KCTD21: variants seen among roughly 807,000 people sequenced by gnomAD.
KCTD21 encodes the protein BTB/POZ domain-containing protein KCTD21.
Under a neutral mutation model 13.2 loss-of-function variants are expected in KCTD21, and 9 were observed. The ratio of observed to expected loss-of-function variants is 0.68; its 90% CI spans 0.41 to 1.19. The LOEUF is 1.19. KCTD21 is among the 50% of genes most tolerant of loss of function. KCTD21 has a pLI of 0.01. For missense variants in KCTD21, 303 were observed against 336.5 expected (o/e 0.90, Z 0.78); for synonymous variants, 142 against 137.4 (o/e 1.03, Z -0.23).
Position 78,188,228 on chromosome 11 carries a change from C to T in KCTD21, c.-30+345G>A, listed in dbSNP as rs988499631. ...CCCAGCCCTACAGCCCCCACTCCGA[C>T]CTGACAAGTGCCCCACCCCCACCTA... On this transcript the variant is annotated intron_variant, in intron 1 of 1. Coordinates refer to ENST00000340067, the MANE Select transcript of KCTD21 (RefSeq NM_001029859.3). 6 of 984,716 alleles carry T rather than the reference C, an allele frequency of 6.1e-6. No individual in the cohort carries two copies. The African/African-American group carries it at 8.8e-5, about 14-fold the overall frequency. The allele number at this position is 984,716 out of a possible 1,614,324, so 61.0% of individuals were successfully genotyped here.
intron 1 of KCTD21, 150 bp downstream of exon 1, chr11:78,188,423 C>G (rs930592633): frequency 8.8e-5 from 87 of 985,612 alleles, no homozygotes; most frequent in Non-Finnish European, 8.8e-5. Flanking sequence ...CGCCCCCTCC[C>G]CCGCACCACA....
chr11:78,188,356 C>A (rs989655611), intron 1 of KCTD21: 19 of 985,220 alleles, frequency 1.9e-5, no homozygotes, highest in Non-Finnish European at 2.3e-5. Context: ...CTTGCTCTCC[C>A]AACAGCCCCG....
intron 1 of KCTD21, among the ~76,000 whole-genome samples, chr11:78,177,577 ATCT>A (rs1862492054): frequency 6.6e-6 from 1 of 151,764 alleles, no homozygotes; most frequent in Non-Finnish European, 1.5e-5. Context: ...TCAGTCCAGA[ATCT>A]TCTTCCCTGT....
chr11:78,187,754 G>A lies in KCTD21; in HGVS notation c.-30+819C>T, dbSNP rs576848979. 44 of 985,410 alleles carry A rather than the reference G, an allele frequency of 4.5e-5. No homozygotes were observed. In the Admixed American group the frequency reaches 1.2e-3, roughly 28 times the overall value. The allele number at this position is 985,410 out of a possible 1,614,324, so 61.0% of individuals were successfully genotyped here. ...GGCTGTCATTCGGAAGGGTTGGGGG[G>A]ACTGGTCCTGCCAGACAATTTGCGA... On this transcript the variant is annotated intron_variant, in intron 1 of 1. Transcript: ENST00000340067.
In KCTD21 at chr11:78,188,581, C is replaced by G; in HGVS notation, c.-38G>C. 1.0e-6 allele frequency: 1 copy of G among 985,580 alleles called. No homozygotes were observed. Among genetic ancestry groups the G allele is most frequent in the South Asian group, 4.7e-5 (1 of 21,308 alleles). 61.1% of individuals were successfully genotyped at this position (985,580 alleles called of 1,614,324 possible). A position where few individuals can be genotyped will look rare whatever the true frequency, so the allele number is the denominator to read the frequency against. The stretch of plus-strand genomic sequence containing the variant: ...GGCCGTGCCGCACCCACCTCCTGCC[C>G]TCGCTCTGCAGCCTCTCCCTCCGCG... On this transcript the variant is annotated 5_prime_UTR_variant, in exon 1 of 2. Transcript: ENST00000340067.
chr11:78,174,300 G>A lies in KCTD21; in HGVS notation c.255C>T (p.Asp85=), dbSNP rs1472007187. 2 of 1,614,008 alleles carry A rather than the reference G, an allele frequency of 1.2e-6. No individual in the cohort carries two copies. The highest frequency in any genetic ancestry group is 2.7e-5 in the African/African-American group (2 of 74,920). The change falls in exon 2 of 2, where the codon GAC becomes GAT. Residue 85 remains aspartate, a synonymous_variant. Transcript: ENST00000340067. ...QEMGLLRREA[D]FYQVQPLIEA... ...CAATCAGGGGCTGCACCTGGTAGAAGTCGGCCTCCCTGCGGAGCAGCCCCA... is the reference window on the plus strand; with the variant it reads ...CAATCAGGGGCTGCACCTGGTAGAAATCGGCCTCCCTGCGGAGCAGCCCCA...
chr11:78,188,104 G>T (rs926887894), intron 1 of KCTD21: 20 of 985,264 alleles, frequency 2.0e-5, no homozygotes, highest in African/African-American at 1.0e-4. Flanking sequence ...CCGGCCCAGG[G>T]CTCTCCAGAG....
intron 1 of KCTD21, among the ~76,000 whole-genome samples, chr11:78,184,092 C>A (rs977781797): frequency 6.6e-6 from 1 of 152,178 alleles, no homozygotes; most frequent in Non-Finnish European, 1.5e-5. Context: ...TTATAACAGA[C>A]TCAGAGAATC....
chr11:78,186,860 C>A (rs1690344913), intron 1 of KCTD21: 3 of 985,470 alleles, frequency 3.0e-6, no homozygotes, highest in Non-Finnish European at 3.6e-6. Context: ...GCCAACTTTA[C>A]TTAAGTAGAT....
At chr11:78,186,939 G>A (rs1204167439) in intron 1 of KCTD21, 1 of 985,330 alleles carries the variant, frequency 1.0e-6, no homozygotes, top group Non-Finnish European at 1.2e-6. Context: ...GTAGAATAGG[G>A]GAAGAGGAAG....
intron 1 of KCTD21, among the ~76,000 whole-genome samples, chr11:78,185,663 C>T (rs1003796780): frequency 2.6e-5 from 4 of 152,012 alleles, no homozygotes; most frequent in African/African-American, 9.7e-5. Flanking sequence ...GTGATCCTGG[C>T]TCACTGCGAC....
intron 1 of KCTD21, among the ~76,000 whole-genome samples, chr11:78,184,187 A>T (rs1862706694): frequency 6.6e-6 from 1 of 152,190 alleles, no homozygotes; most frequent in Non-Finnish European, 1.5e-5. Flanking sequence ...TTAATAATCA[A>T]ATTTAGCATT....
intron 1 of KCTD21, among the ~76,000 whole-genome samples, chr11:78,175,641 C>CGG (rs1383062453): frequency 8.0e-4 from 122 of 152,274 alleles, no homozygotes; most frequent in South Asian, 6.0e-3. Context: ...CAATGAATGG[C>CGG]CATGATTAGT....
chr11:78,180,587 A>G (rs1297616639), intron 1 of KCTD21, among the ~76,000 whole-genome samples: 1 of 152,244 alleles, frequency 6.6e-6, no homozygotes, highest in Non-Finnish European at 1.5e-5. Context: ...AATCACATGA[A>G]AAGATGGTCA....
At position 78,186,371 on chromosome 11, in the gene KCTD21, C is replaced by CA. The variant is rs57748403; in HGVS notation, c.-30+2201dup. On this transcript the variant is annotated intron_variant, in intron 1 of 1. Coordinates refer to ENST00000340067, the MANE Select transcript of KCTD21 (RefSeq NM_001029859.3). ...TGGGCAACAGAGTAAGACCCTGTCT[C>CA]AAAAAAAAAAAAAAAAAAAAAAAAA... Among the ~76,000 whole-genome samples the CA allele has an allele frequency of 4.7e-3, 217 of 45,810 alleles. 44 individuals are homozygous for CA. The highest frequency in any genetic ancestry group is 5.6e-3 in the East Asian group (8 of 1,434). 30.1% of individuals were successfully genotyped at this position (45,810 alleles called of 152,430 possible).
intron 1 of KCTD21, among the ~76,000 whole-genome samples, chr11:78,184,459 C>T (rs1862715213): frequency 6.6e-6 from 1 of 151,716 alleles, no homozygotes; most frequent in African/African-American, 2.4e-5. Context: ...GCCTCAGCCT[C>T]CTGAGTAGCT....
At chr11:78,174,854 C>A in intron 1 of KCTD21, 1 of 302,304 alleles carries the variant, frequency 3.3e-6, no homozygotes, top group Non-Finnish European at 6.2e-6. Flanking sequence ...CCTCTGCTGC[C>A]GACATTCTAT....
chr11:78,187,104 A>T (rs1364559365), intron 1 of KCTD21: 2 of 985,330 alleles, frequency 2.0e-6, no homozygotes, highest in East Asian at 2.3e-4. Flanking sequence ...GAGAGTTTCC[A>T]CTGCGTAAGG....
intron 1 of KCTD21, among the ~76,000 whole-genome samples, chr11:78,182,547 C>A (rs747237741): frequency 6.6e-6 from 1 of 152,098 alleles, no homozygotes; most frequent in Non-Finnish European, 1.5e-5. Flanking sequence ...TGAAGAGACA[C>A]AACTAGCAAT....
Sources: gnomAD v4.1 joint callset for allele counts (sites outside exome capture counted in the v4.1 genomes callset) on GRCh38, gnomAD v4.1.1 for gene constraint, MANE v1.5 for transcripts, NCBI Gene and HGNC (gene_info 2026-07-23, HGNC 2026-07-21) for gene names.